NLRP6: variants seen among roughly 807,000 people sequenced by gnomAD.
The protein encoded by NLRP6 is NACHT, LRR and PYD domains-containing protein 6.
In NLRP6, 55 loss-of-function variants were observed where a neutral mutation model predicts 70.9. The observed-to-expected ratio is 0.78, with a 90% CI of 0.62 to 0.97. The LOEUF is 0.97. Among genes scored for constraint, NLRP6 ranks in the 50% least tolerant of loss-of-function variants. The probability of loss-of-function intolerance (pLI) is 0.00; values close to 1 mark genes in which losing one functional copy is unlikely to be tolerated. For missense variants in NLRP6, 1,241 were observed against 1,238.3 expected, an observed-to-expected ratio of 1.00 and a Z score of -0.03; for synonymous variants, 652 against 581.9, an observed-to-expected ratio of 1.12 and a Z score of -1.73.
rs1410156489 is a variant in NLRP6, at chr11:279,582, G to A, written c.285G>A (p.Ala95=). Residue 95 remains alanine, a synonymous_variant, in exon 2 of 8, where the codon GCG becomes GCA. Transcript: ENST00000534750. The part of the protein sequence containing the change: ...LKRADARDVA[A]QLQERRLQRL... ...GGGCGGACGCGCGCGACGTGGCGGC[G>A]CAGCTCCAGGAGCGGCGGCTGCAGC... The A allele has an allele frequency of 7.1e-7, 1 of 1,411,924 alleles. No homozygotes were observed. The highest frequency in any genetic ancestry group is 3.0e-5 in the East Asian group (1 of 32,884). 87.5% of individuals were successfully genotyped at this position (1,411,924 alleles called of 1,614,324 possible).
rs745445511 is a variant in NLRP6, at chr11:279,866, G to C, written c.343G>C (p.Val115Leu). The C allele has an allele frequency of 1.3e-6, 2 of 1,548,338 alleles. No homozygotes were observed. The highest frequency in any genetic ancestry group is 1.4e-5 in the African/African-American group (1 of 71,164). Reference protein sequence around the residue: ...LGLGSGTLLSVSEYKKKYREH... With the variant: ...LGLGSGTLLSLSEYKKKYREH... Reference sequence around the variant, plus strand: ...GCTCGGCTCCGGGACGCTGCTCTCCGTGTCCGGTGGGTCTCTCGCTGGGGG... The same window carrying C: ...GCTCGGCTCCGGGACGCTGCTCTCCCTGTCCGGTGGGTCTCTCGCTGGGGG... Residue 115 changes from valine (V) to leucine (L), a missense_variant, in exon 3 of 8, where the codon GTG becomes CTG. Physicochemically the swap from Val to Leu is conservative, Grantham distance 32. Coordinates refer to ENST00000534750, the MANE Select transcript of NLRP6 (RefSeq NM_001276700.2).
At position 281,749 on chromosome 11, in the gene NLRP6, T is replaced by C. The variant is rs1024802275; in HGVS notation, c.2015T>C (p.Leu672Pro). 1.2e-6 allele frequency: 2 copies of C among 1,612,050 alleles called. No homozygotes were observed. Among genetic ancestry groups the C allele is most frequent in the Non-Finnish European group, 1.7e-6 (2 of 1,179,772 alleles). Residue 672 changes from leucine to proline, a missense_variant, in exon 4 of 8, where the codon CTG becomes CCG. Coordinates refer to ENST00000534750, the MANE Select transcript of NLRP6 (RefSeq NM_001276700.2). ...CVRCCPAGQA[L>P]RLISCRLVAA... ...AGGTGCTGCCCTGCTGGACAGGCACTGCGGCTGATCAGCTGCAGATTGGTT... is the reference window on the plus strand; with the variant it reads ...AGGTGCTGCCCTGCTGGACAGGCACCGCGGCTGATCAGCTGCAGATTGGTT...
At chr11:281,957 C>T (rs1327169206) in intron 4 of NLRP6, 118 bp downstream of exon 4, 10 of 896,772 alleles carry the variant, frequency 1.1e-5, no homozygotes, top group Non-Finnish European at 1.6e-5. Flanking sequence ...CCTGGCTCCC[C>T]AGATGGGGAG....
chr11:282,409 G>A (rs1187541258), intron 4 of NLRP6, among the ~76,000 whole-genome samples: 1 of 152,226 alleles, frequency 6.6e-6, no homozygotes. Flanking sequence ...TCTGTTGAGA[G>A]GATGAATGTC....
chr11:279,466 G>A lies in NLRP6; in HGVS notation c.169G>A (p.Glu57Lys), dbSNP rs1009640365. Residue 57 changes from glutamate to lysine, a missense_variant, in exon 2 of 8, where the codon GAG becomes AAG. Physicochemically the swap from Glu to Lys is moderately conservative, Grantham distance 56 (BLOSUM62 1). Coordinates refer to ENST00000534750, the MANE Select transcript of NLRP6 (RefSeq NM_001276700.2). ...ACGCAGCATCCCGTGGGGGCGGCTG[G>A]AGCGCGCGGACGCCGTGGACCTCGC... ...DGRSIPWGRLERADAVDLAEQ... is the reference protein window; with the variant it reads ...DGRSIPWGRLKRADAVDLAEQ... The A allele has an allele frequency of 9.9e-6, 14 of 1,418,596 alleles. No homozygotes were observed. The African/African-American group carries it at 2.0e-4, about 20-fold the overall frequency. The allele number at this position is 1,418,596 out of a possible 1,614,324, so 87.9% of individuals were successfully genotyped here. A position where few individuals can be genotyped will look rare whatever the true frequency, so the allele number is the denominator to read the frequency against.
rs992453780 is a variant in NLRP6 at position 284,767 on chromosome 11, G to A, written c.2537+125G>A. The A allele has an allele frequency of 3.3e-6, 3 of 906,088 alleles. No homozygotes were observed. In the East Asian group the frequency reaches 8.0e-5, roughly 24 times the overall value. The allele number at this position is 906,088 out of a possible 1,614,324, so 56.1% of individuals were successfully genotyped here. ...TCCCAGAGACCTCCCATGTGACTGA[G>A]CTCAAACACTGACCTGGGAGCCCAG... On this transcript the variant is annotated intron_variant, in intron 7 of 7. Transcript: ENST00000534750.
In NLRP6 at chr11:279,621, G is replaced by A. The variant is rs778094601; in HGVS notation, c.310+14G>A. 8.6e-6 allele frequency: 12 copies of A among 1,392,358 alleles called. No homozygotes were observed. The highest frequency in any genetic ancestry group is 2.0e-4 in the Middle Eastern group (1 of 4,912). 86.3% of individuals were successfully genotyped at this position (1,392,358 alleles called of 1,614,324 possible). On this transcript the variant is annotated intron_variant, in intron 2 of 7. Transcript: ENST00000534750. The stretch of plus-strand genomic sequence containing the variant: ...GGCGGCTGCAGCGTGAGTTCTGCGC[G>A]GGAGGTCCCTCCTGTCTGGGCAGAG...
At chr11:279,641 G>T in intron 2 of NLRP6, 34 bp downstream of exon 2, 3 of 1,384,358 alleles carry the variant, frequency 2.2e-6, no homozygotes, top group African/African-American at 3.1e-5. Flanking sequence ...TCCTGTCTGG[G>T]CAGAGGCTGG....
chr11:279,896 C>G (rs765559639), intron 3 of NLRP6, 24 bp downstream of exon 3: 12 of 1,510,838 alleles, frequency 7.9e-6, no homozygotes, highest in Non-Finnish European at 1.1e-5. Context: ...TGGGGGGGCA[C>G]GAGTGTCCCC....
chr11:284,176 G>A, intron 5 of NLRP6, 54 bp from the exon 6 acceptor site: 1 of 1,525,170 alleles, frequency 6.6e-7, no homozygotes, highest in Non-Finnish European at 9.1e-7. Flanking sequence ...GCAGTTGGAG[G>A]TGGTGTGGTG....
intron 1 of NLRP6, 99 bp from the exon 2 acceptor site, chr11:279,228 G>A (rs1845429879): frequency 8.5e-6 from 9 of 1,056,654 alleles, no homozygotes; most frequent in Non-Finnish European, 1.1e-5. Context: ...GGGACTCCCT[G>A]AGGCCCTGCC....
chr11:283,717 A>G (rs548001379), intron 5 of NLRP6, among the ~76,000 whole-genome samples: 2 of 152,178 alleles, frequency 1.3e-5, no homozygotes, highest in South Asian at 4.1e-4. Context: ...ATGGTGAAAC[A>G]GGTCCATCCT....
chr11:279,027 A>C (rs1236325840), intron 1 of NLRP6: 1 of 359,612 alleles, frequency 2.8e-6, no homozygotes, highest in Non-Finnish European at 5.0e-6. Context: ...ACAGAAGCAG[A>C]AAGGGAGGTG....
chr11:281,138 G>A lies in NLRP6; in HGVS notation c.1404G>A (p.Leu468=), dbSNP rs1183107655. ...TTGCCGAGAAGGAACTGGAGCAACTGGAGCTTCGTGGCTCCAAAGTGCAGA... is the reference window on the plus strand; with the variant it reads ...TTGCCGAGAAGGAACTGGAGCAACTAGAGCTTCGTGGCTCCAAAGTGCAGA... The part of the protein sequence containing the change: ...AQFAEKELEQ[L]ELRGSKVQTL... The change falls in exon 4 of 8, where the codon CTG becomes CTA. Residue 468 remains leucine, a synonymous_variant. Coordinates refer to ENST00000534750, the MANE Select transcript of NLRP6 (RefSeq NM_001276700.2). The A allele has an allele frequency of 1.2e-6, 2 of 1,613,042 alleles. No homozygotes were observed. Among genetic ancestry groups the A allele is most frequent in the Admixed American group, 1.7e-5 (1 of 60,036 alleles).
At position 281,319 on chromosome 11, in the gene NLRP6, C is replaced by T. The variant is rs755793233; in HGVS notation, c.1585C>T (p.Leu529Phe). 67 of 1,610,342 alleles carry T rather than the reference C, an allele frequency of 4.2e-5. No individual in the cohort carries two copies. Among genetic ancestry groups the T allele is most frequent in the Non-Finnish European group, 5.6e-5 (66 of 1,178,744 alleles). ...PRTAAGGVGT[L>F]LRGDAQPHSH... ...GACCGCGGCTGGCGGCGTTGGGACA[C>T]TCCTGCGTGGGGACGCCCAGCCGCA... is the stretch of plus-strand genomic sequence containing the variant. Residue 529 changes from leucine (L) to phenylalanine (F), a missense_variant, in exon 4 of 8, where the codon CTC becomes TTC. Leu to Phe is a conservative substitution (Grantham distance 22). Transcript: ENST00000534750.
chr11:284,890 C>T lies in NLRP6; in HGVS notation c.2537+248C>T, dbSNP rs76267877. On this transcript the variant is annotated intron_variant, in intron 7 of 7. Transcript: ENST00000534750. ...ATCTGTTGTCTGGTGCCCATGGCAG[C>T]ACCCTGGGCCAGTGGCCCCGATACC... Among the ~76,000 whole-genome samples the T allele has an allele frequency of 4.9e-3, 744 of 152,330 alleles. 1 individual carries two copies. Among genetic ancestry groups the T allele is most frequent in the Non-Finnish European group, 8.2e-3 (560 of 68,010 alleles).
chr11:284,302 GACGGAGC>G lies in NLRP6; in HGVS notation c.2272_2278del (p.Thr758TrpfsTer16), dbSNP rs768100975. ...AGGCCCTGAGGGCAGCCCCCGCACT[GACGGAGC>G]TGGGCCTCCTCCACAACAGGCTCAG... is the stretch of plus-strand genomic sequence containing the variant. On this transcript the variant is annotated frameshift_variant, in exon 6 of 8. Transcript: ENST00000534750. LOFTEE classifies it high-confidence loss of function. The G allele has an allele frequency of 1.1e-5, 17 of 1,612,670 alleles. No individual in the cohort carries two copies. Among genetic ancestry groups the G allele is most frequent in the Non-Finnish European group, 1.4e-5 (17 of 1,179,946 alleles).
rs1366633274 is a variant in NLRP6 at position 284,512 on chromosome 11, C to A, written c.2407C>A (p.Leu803Met). Residue 803 changes from leucine (L) to methionine (M), a missense_variant, in exon 7 of 8, where the codon CTG becomes ATG. Physicochemically the swap from Leu to Met is conservative, Grantham distance 15. Transcript: ENST00000534750. ...TGACCCCCAGCGAGGGCTCCAGTAC[C>A]TGGTGGGTATGCTTCGGCAGAGCCC... ...LPDPQRGLQY[L>M]VGMLRQSPAL... The A allele has an allele frequency of 7.4e-6, 12 of 1,613,062 alleles. No homozygotes were observed. Among genetic ancestry groups the A allele is most frequent in the Non-Finnish European group, 1.0e-5 (12 of 1,179,874 alleles).
chr11:282,201 T>C lies in NLRP6; in HGVS notation c.2105+362T>C, dbSNP rs199475813. On this transcript the variant is annotated intron_variant, in intron 4 of 7. Transcript: ENST00000534750. ...CTTCCCTCCACCTAGAATATTCTGT[T>C]TGCTGCCTGTCCTGCAAGTCTGCCC... 5.6e-3 allele frequency among the ~76,000 whole-genome samples: 851 copies of C among 152,070 alleles called. 12 individuals carry two copies. The South Asian group carries it at 0.073, about 13-fold the overall frequency.
Sources: allele counts gnomAD v4.1 joint callset (sites outside exome capture counted in the v4.1 genomes callset), GRCh38; gene constraint gnomAD v4.1.1; transcripts MANE v1.5; gene names NCBI Gene and HGNC (gene_info 2026-07-23, HGNC 2026-07-21).